The following PRSS23 variants were observed in gnomAD, a reference collection of about 807,000 sequenced individuals.
PRSS23 encodes the protein protease, serine 23.
A neutral mutation model predicts 34.7 loss-of-function variants in PRSS23; 25 were observed. The observed-to-expected ratio is 0.72, with a 90% CI of 0.53 to 1.01. PRSS23 has a LOEUF of 1.01. Among genes scored for constraint, PRSS23 ranks in the 50% least tolerant of loss-of-function variants. The pLI is 0.00. For synonymous variants in PRSS23, 176 were observed against 186.6 expected (o/e 0.94, Z 0.46); for missense variants, 445 against 475.6 (o/e 0.94, Z 0.60).
At chr11:86,813,014 G>A (rs569661713), downstream of PRSS23, among the ~76,000 whole-genome samples, 1 of 152,194 alleles carries the variant, frequency 6.6e-6, no homozygotes, top group African/African-American at 2.4e-5. Flanking sequence ...CAGCTTCTCA[G>A]TGGGCTCATT....
upstream of PRSS23, chr11:86,800,444 T>A (rs1948017884): frequency 1.0e-6 from 1 of 983,010 alleles, no homozygotes; most frequent in South Asian, 4.7e-5. Flanking sequence ...GCGGGCGGCG[T>A]CCGCGCGGCT....
At chr11:86,923,465 A>C (rs910445047) in intron 2 of PRSS23, among the ~76,000 whole-genome samples, 2 of 152,178 alleles carry the variant, frequency 1.3e-5, no homozygotes, top group African/African-American at 4.8e-5. Flanking sequence ...TGGCTTATAC[A>C]TTATATTTCT....
chr11:86,941,615 T>C (rs1949207819), intron 2 of PRSS23, among the ~76,000 whole-genome samples: 1 of 152,254 alleles, frequency 6.6e-6, no homozygotes, highest in African/African-American at 2.4e-5. Flanking sequence ...TCGTATTTCC[T>C]AGTTTTTAAA....
intron 2 of PRSS23, among the ~76,000 whole-genome samples, chr11:86,836,192 C>T (rs1056480514): frequency 2.0e-5 from 3 of 152,130 alleles, no homozygotes; most frequent in African/African-American, 7.2e-5. Flanking sequence ...AGATCTTGCA[C>T]TAACCTCCAC....
At chr11:86,893,691 A>C (rs1195977635) in intron 2 of PRSS23, among the ~76,000 whole-genome samples, 1 of 152,220 alleles carries the variant, frequency 6.6e-6, no homozygotes, top group Non-Finnish European at 1.5e-5. Context: ...TTTTGTGCCC[A>C]AAATAGCAGT....
At chr11:86,838,567 G>T (rs1441119909) in intron 2 of PRSS23, among the ~76,000 whole-genome samples, 1 of 152,226 alleles carries the variant, frequency 6.6e-6, no homozygotes. Context: ...AAAGGCAGCA[G>T]ACAGATTCTG....
intron 2 of PRSS23, among the ~76,000 whole-genome samples, chr11:86,906,236 G>A (rs1382847996): frequency 2.0e-5 from 3 of 152,212 alleles, no homozygotes; most frequent in Non-Finnish European, 4.4e-5. Flanking sequence ...GGAAAGGGAA[G>A]GGTTCCCGGG....
intron 2 of PRSS23, among the ~76,000 whole-genome samples, chr11:86,841,950 G>A (rs1948451872): frequency 6.6e-6 from 1 of 152,170 alleles, no homozygotes; most frequent in South Asian, 2.1e-4. Context: ...GGATCATCCT[G>A]ATACCAAAAC....
intron 2 of PRSS23, among the ~76,000 whole-genome samples, chr11:86,831,610 A>G (rs886403466): frequency 4.0e-5 from 6 of 151,430 alleles, no homozygotes; most frequent in African/African-American, 1.5e-4. Context: ...GAATGTTACT[A>G]CTAATGTCAC....
At chr11:86,894,132 G>A (rs1485297643) in intron 2 of PRSS23, among the ~76,000 whole-genome samples, 2 of 152,192 alleles carry the variant, frequency 1.3e-5, no homozygotes, top group South Asian at 4.1e-4. Context: ...TCCTGCCTCA[G>A]CGTCCCAAGT....
At chr11:86,856,187 T>C (rs1283803865) in intron 2 of PRSS23, among the ~76,000 whole-genome samples, 1 of 152,042 alleles carries the variant, frequency 6.6e-6, no homozygotes, top group African/African-American at 2.4e-5. Flanking sequence ...AACAGCATAA[T>C]AAAAATTTGC....
intron 2 of PRSS23, among the ~76,000 whole-genome samples, chr11:86,900,531 A>G (rs1425862737): frequency 6.6e-6 from 1 of 152,120 alleles, no homozygotes; most frequent in African/African-American, 2.4e-5. Flanking sequence ...TGAAATCCAC[A>G]TTCTTTACCA....
chr11:86,943,610 C>T (rs2135028952), intron 2 of PRSS23, among the ~76,000 whole-genome samples: 1 of 146,060 alleles, frequency 6.8e-6, no homozygotes, highest in Middle Eastern at 3.5e-3. Flanking sequence ...GGTGACAGAG[C>T]AAGACTCCAT....
At chr11:86,930,705 G>A (rs2212765) in intron 2 of PRSS23, among the ~76,000 whole-genome samples, 24,072 of 151,454 alleles carry the variant, frequency 0.16, 1,999 homozygotes, top group Middle Eastern at 0.27. Context: ...CAGGAGAATG[G>A]TGTGAACCTG....
intron 2 of PRSS23, among the ~76,000 whole-genome samples, chr11:86,829,092 C>T (rs1246162369): frequency 6.6e-6 from 1 of 152,174 alleles, no homozygotes; most frequent in Non-Finnish European, 1.5e-5. Context: ...AGAGTATTTT[C>T]CAACTTGGTT....
Position 86,800,782 on chromosome 11 carries a change from G to C in PRSS23, c.-14+131G>C, listed in dbSNP as rs144998118. The C allele has an allele frequency of 1.2e-3, 481 of 385,174 alleles. 2 individuals carry two copies. The highest frequency in any genetic ancestry group is 9.3e-3 in the African/African-American group (424 of 45,822). The allele number at this position is 385,174 out of a possible 1,614,324, so 23.9% of individuals were successfully genotyped here. Reference sequence around the variant, plus strand: ...GCTGCCGGAGGCACCGCAGGACTTCGCCAGGGCAGTCCTCGGGGTTCCAGG... The same window carrying C: ...GCTGCCGGAGGCACCGCAGGACTTCCCCAGGGCAGTCCTCGGGGTTCCAGG... On this transcript the variant is annotated intron_variant, in intron 1 of 1. Coordinates refer to ENST00000280258, the MANE Select transcript of PRSS23 (RefSeq NM_007173.6).
At chr11:86,805,598 G>A (rs1948091143) in intron 1 of PRSS23, among the ~76,000 whole-genome samples, 1 of 152,192 alleles carries the variant, frequency 6.6e-6, no homozygotes, top group African/African-American at 2.4e-5. Context: ...CAAGGAACTG[G>A]CTTTTCCAGG....
At chr11:86,802,254 C>T (rs1272403218) in intron 1 of PRSS23, among the ~76,000 whole-genome samples, 1 of 152,122 alleles carries the variant, frequency 6.6e-6, no homozygotes, top group East Asian at 1.9e-4. Context: ...CCAGGTTTGT[C>T]CCAGGCTCAA....
chr11:86,917,045 C>T (rs779390201), intron 2 of PRSS23, among the ~76,000 whole-genome samples: 5 of 152,208 alleles, frequency 3.3e-5, no homozygotes, highest in South Asian at 2.1e-4. Context: ...TGGAGCCGGG[C>T]GCGGTCGCTC....
Sources: gnomAD v4.1 joint callset for allele counts (sites outside exome capture counted in the v4.1 genomes callset) on GRCh38, gnomAD v4.1.1 for gene constraint, MANE v1.5 for transcripts, NCBI Gene and HGNC (gene_info 2026-07-23, HGNC 2026-07-21) for gene names.